CIB4: variants seen among roughly 807,000 people sequenced by gnomAD.
CIB4 encodes the protein calcium and integrin-binding family member 4.
A neutral mutation model predicts 25.8 loss-of-function variants in CIB4; 25 were observed. That is an observed-to-expected ratio of 0.97 (90% CI 0.71 to 1.35). The LOEUF (loss-of-function observed/expected upper bound fraction) is 1.35, where lower values mean the gene tolerates loss of function less well. CIB4 is among the 40% of genes most tolerant of loss of function. The probability of loss-of-function intolerance (pLI) is 0.00; values close to 1 mark genes in which losing one functional copy is unlikely to be tolerated. For synonymous variants in CIB4, 75 were observed against 81.4 expected (o/e 0.92, Z 0.42); for missense variants, 235 against 228.2 (o/e 1.03, Z -0.19).
chr2:26,638,474 C>G (rs914649480), intron 2 of CIB4, among the ~76,000 whole-genome samples: 23 of 152,176 alleles, frequency 1.5e-4, no homozygotes, highest in East Asian at 1.9e-4. Context: ...CCATACTCCT[C>G]TCACTCCTCT....
At chr2:26,589,102 TTCTTCC>T (rs1360378999) in intron 4 of CIB4, among the ~76,000 whole-genome samples, 967 of 70,646 alleles carry the variant, frequency 0.014, 155 homozygotes, top group South Asian at 0.02. Context: ...CTTCTTCTTC[TTCTTCC>T]TCTTCTTCTT....
intron 3 of CIB4, among the ~76,000 whole-genome samples, chr2:26,599,865 G>A (rs535408338): frequency 5.0e-4 from 76 of 151,878 alleles, no homozygotes; most frequent in African/African-American, 1.8e-3. Context: ...ACGAGGTCAG[G>A]AGATCAAGAC....
At chr2:26,609,420 C>T (rs995929299) in intron 3 of CIB4, among the ~76,000 whole-genome samples, 1 of 152,182 alleles carries the variant, frequency 6.6e-6, no homozygotes, top group Non-Finnish European at 1.5e-5. Flanking sequence ...TGGTGCTGAC[C>T]GAAATTCACA....
At chr2:26,620,027 G>A (rs547321890) in intron 3 of CIB4, among the ~76,000 whole-genome samples, 3 of 145,008 alleles carry the variant, frequency 2.1e-5, no homozygotes, top group Admixed American at 6.9e-5. Flanking sequence ...CAGACTCTGC[G>A]ACTGAGGAAG....
chr2:26,630,393 C>T (rs181190398), intron 2 of CIB4, among the ~76,000 whole-genome samples: 93 of 152,342 alleles, frequency 6.1e-4, no homozygotes, highest in African/African-American at 2.1e-3. Context: ...ACCTGAACTG[C>T]TGTGGCAGGG....
intron 4 of CIB4, among the ~76,000 whole-genome samples, chr2:26,587,429 C>T (rs1191208646): frequency 6.6e-6 from 1 of 151,644 alleles, no homozygotes; most frequent in East Asian, 1.9e-4. Flanking sequence ...CCACTGCTAC[C>T]TGTGTTATAC....
chr2:26,594,465 G>A (rs1668642364), intron 4 of CIB4, among the ~76,000 whole-genome samples: 2 of 152,236 alleles, frequency 1.3e-5, no homozygotes. Context: ...GGGAGGAGCT[G>A]GCAGGAAAGG....
At chr2:26,605,056 G>C (rs1668862074) in intron 3 of CIB4, among the ~76,000 whole-genome samples, 1 of 151,946 alleles carries the variant, frequency 6.6e-6, no homozygotes, top group Non-Finnish European at 1.5e-5. Context: ...AATTTAAGAG[G>C]ATTTAAAGCA....
At chr2:26,613,285 G>A (rs1358694) in intron 3 of CIB4, among the ~76,000 whole-genome samples, 1 of 152,072 alleles carries the variant, frequency 6.6e-6, no homozygotes, top group African/African-American at 2.4e-5. Context: ...ATCCACCTTA[G>A]CAGTACCCTT....
At chr2:26,595,938 C>G (rs1167845460) in intron 3 of CIB4, among the ~76,000 whole-genome samples, 1 of 151,640 alleles carries the variant, frequency 6.6e-6, no homozygotes, top group Non-Finnish European at 1.5e-5. Context: ...CAAACCATGT[C>G]TTATAGAGAC....
intron 3 of CIB4, among the ~76,000 whole-genome samples, chr2:26,599,227 G>A (rs1553374405): frequency 6.6e-6 from 1 of 152,196 alleles, no homozygotes; most frequent in Non-Finnish European, 1.5e-5. Context: ...AAACATGTCA[G>A]TACAGCAATT....
chr2:26,593,393 C>CAT lies in CIB4; in HGVS notation c.328+1781_328+1782dup, dbSNP rs961131300. ...ACACACGCACACATATACACACACA[C>CAT]ATATATACACACACATATATACACA... On this transcript the variant is annotated intron_variant, in intron 4 of 6. Coordinates refer to ENST00000288861, the MANE Select transcript of CIB4 (RefSeq NM_001029881.3). 5.5e-5 allele frequency among the ~76,000 whole-genome samples: 8 copies of CAT among 146,226 alleles called. No individual in the cohort carries two copies. In the South Asian group the frequency reaches 1.7e-3, roughly 31 times the overall value.
chr2:26,589,005 CT>C (rs1558554626), intron 4 of CIB4, among the ~76,000 whole-genome samples: 1,952 of 18,814 alleles, frequency 0.1, 159 homozygotes, highest in African/African-American at 0.18. Context: ...TCTTCTTCTT[CT>C]TCTTCTTCTT....
At chr2:26,605,114 A>G (rs193058872) in intron 3 of CIB4, among the ~76,000 whole-genome samples, 6 of 152,352 alleles carry the variant, frequency 3.9e-5, no homozygotes, top group Admixed American at 1.3e-4. Flanking sequence ...AGAAATCAAT[A>G]ATAAAAAGAT....
intron 1 of CIB4, 145 bp from the exon 2 acceptor site, chr2:26,640,712 T>C (rs984504871): frequency 5.0e-6 from 4 of 793,832 alleles, no homozygotes; most frequent in African/African-American, 1.7e-5. Flanking sequence ...GGTGGATGCC[T>C]GAGGTGGCAG....
chr2:26,637,787 T>C (rs1669561199), intron 2 of CIB4, among the ~76,000 whole-genome samples: 1 of 152,136 alleles, frequency 6.6e-6, no homozygotes, highest in African/African-American at 2.4e-5. Flanking sequence ...CTCAGCTGCT[T>C]CCCAGGCTGT....
chr2:26,596,450 A>G (rs1030082475), intron 3 of CIB4, among the ~76,000 whole-genome samples: 1 of 152,186 alleles, frequency 6.6e-6, no homozygotes, highest in African/African-American at 2.4e-5. Context: ...GAGTTAAAAT[A>G]TAGTAAAACT....
chr2:26,641,165 C>A (rs1669628206), intron 1 of CIB4, 96 bp downstream of exon 1: 2 of 1,056,586 alleles, frequency 1.9e-6, no homozygotes, highest in Admixed American at 1.7e-5. Context: ...AAATTGGACA[C>A]CCCTGCTAGA....
At chr2:26,600,110 T>C (rs1216316557) in intron 3 of CIB4, among the ~76,000 whole-genome samples, 1 of 134,958 alleles carries the variant, frequency 7.4e-6, no homozygotes, top group Non-Finnish European at 1.6e-5. Context: ...GTTTATTGAC[T>C]GGGCGCAGTG....
Sources: gnomAD v4.1 joint callset for allele counts (sites outside exome capture counted in the v4.1 genomes callset) on GRCh38, gnomAD v4.1.1 for gene constraint, MANE v1.5 for transcripts, NCBI Gene and HGNC (gene_info 2026-07-23, HGNC 2026-07-21) for gene names.